PPFIA2: variants seen among roughly 807,000 people sequenced by gnomAD.
PPFIA2 encodes the protein liprin-alpha-2.
In PPFIA2, 46 loss-of-function variants were observed where a neutral mutation model predicts 175.5. The ratio of observed to expected loss-of-function variants is 0.26; its 90% CI spans 0.21 to 0.34. The LOEUF (loss-of-function observed/expected upper bound fraction) is 0.34. PPFIA2 is among the 10% of genes least tolerant of loss of function. The probability of loss-of-function intolerance (pLI) is 1.00; values close to 1 mark genes in which losing one functional copy is unlikely to be tolerated. For synonymous variants in PPFIA2, 568 were observed against 511.4 expected (o/e 1.11, Z -1.49); for missense variants, 1,179 against 1,506.1 (o/e 0.78, Z 3.60).
intron 4 of PPFIA2, among the ~76,000 whole-genome samples, chr12:81,596,214 T>G (rs1378676994): frequency 6.6e-6 from 1 of 151,742 alleles, no homozygotes; most frequent in Non-Finnish European, 1.5e-5. Context: ...ATTTAATTCT[T>G]TCTTTTGGAA....
At chr12:81,732,467 C>T (rs2153641589) in intron 3 of PPFIA2, among the ~76,000 whole-genome samples, 1 of 146,824 alleles carries the variant, frequency 6.8e-6, no homozygotes, top group East Asian at 2.0e-4. Context: ...GGAATGATTA[C>T]TTTCCTGATT....
chr12:81,330,071 A>C (rs947291431), intron 21 of PPFIA2, among the ~76,000 whole-genome samples: 2 of 152,246 alleles, frequency 1.3e-5, no homozygotes, highest in African/African-American at 4.8e-5. Context: ...ATTCATTTGG[A>C]TTGTGAAGGT....
chr12:81,548,343 GA>G (rs1323646517), intron 4 of PPFIA2, among the ~76,000 whole-genome samples: 1 of 152,088 alleles, frequency 6.6e-6, no homozygotes, highest in Non-Finnish European at 1.5e-5. Context: ...AAGAAAGCAA[GA>G]GCAAGTTTAT....
intron 4 of PPFIA2, among the ~76,000 whole-genome samples, chr12:81,462,841 G>A (rs2054893927): frequency 6.6e-6 from 1 of 151,736 alleles, no homozygotes; most frequent in Non-Finnish European, 1.5e-5. Flanking sequence ...AATGAATGTG[G>A]CAGGAGAAAT....
At chr12:81,627,721 T>C (rs1222031716) in intron 4 of PPFIA2, among the ~76,000 whole-genome samples, 1 of 152,176 alleles carries the variant, frequency 6.6e-6, no homozygotes, top group Non-Finnish European at 1.5e-5. Context: ...GACGCACATA[T>C]TAAACGTTGC....
chr12:81,419,701 T>A (rs1661883996), intron 7 of PPFIA2, among the ~76,000 whole-genome samples: 1 of 152,170 alleles, frequency 6.6e-6, no homozygotes, highest in African/African-American at 2.4e-5. Flanking sequence ...ACCTTATTTA[T>A]GTTGGATATT....
chr12:81,515,901 CTCTT>C (rs982660792), intron 4 of PPFIA2, among the ~76,000 whole-genome samples: 68 of 152,112 alleles, frequency 4.5e-4, no homozygotes, highest in African/African-American at 1.6e-3. Flanking sequence ...CTTACCAAAA[CTCTT>C]TCTTGAATTT....
chr12:81,703,803 G>A lies in PPFIA2; in HGVS notation c.250-26959C>T, dbSNP rs145568709. Among the ~76,000 whole-genome samples, 212 of 152,150 alleles carry A rather than the reference G, an allele frequency of 1.4e-3. 1 individual carries two copies. The highest frequency in any genetic ancestry group is 4.8e-3 in the African/African-American group (199 of 41,528). On this transcript the variant is annotated intron_variant, in intron 3 of 32. Transcript: ENST00000549396. ...CTAATGCCACTGTGTACCAAGCTGT[G>A]TCTTACATATGATACTCTTTCTCTC...
At chr12:81,574,530 T>C (rs543636797) in intron 4 of PPFIA2, among the ~76,000 whole-genome samples, 16 of 151,886 alleles carry the variant, frequency 1.1e-4, no homozygotes, top group African/African-American at 3.9e-4. Context: ...GTGTAAAAGA[T>C]TGCATCCTTC....
chr12:81,513,353 A>C (rs1234627848), intron 4 of PPFIA2, among the ~76,000 whole-genome samples: 1 of 152,098 alleles, frequency 6.6e-6, no homozygotes, highest in African/African-American at 2.4e-5. Flanking sequence ...AATTCCACAG[A>C]AAACTAAAAG....
At chr12:81,632,592 T>C (rs1025114225) in intron 4 of PPFIA2, among the ~76,000 whole-genome samples, 3 of 152,178 alleles carry the variant, frequency 2.0e-5, no homozygotes, top group Admixed American at 2.0e-4. Flanking sequence ...TCTTTGCTCC[T>C]TCATTCTTGC....
chr12:81,311,752 AGAAAG>A (rs1566072976), intron 22 of PPFIA2, among the ~76,000 whole-genome samples: 1 of 66,542 alleles, frequency 1.5e-5, no homozygotes. Context: ...AAAAAAAAAA[AGAAAG>A]AAAGAAAGAA....
chr12:81,465,794 T>G (rs1228161663), intron 4 of PPFIA2, among the ~76,000 whole-genome samples: 1 of 152,126 alleles, frequency 6.6e-6, no homozygotes, highest in Non-Finnish European at 1.5e-5. Context: ...TTCTCAAATT[T>G]TATATCTACA....
intron 3 of PPFIA2, among the ~76,000 whole-genome samples, chr12:81,695,527 C>T (rs1401619476): frequency 6.6e-6 from 1 of 152,114 alleles, no homozygotes; most frequent in Non-Finnish European, 1.5e-5. Context: ...AATGCCAGCA[C>T]CATGCTTCCT....
intron 4 of PPFIA2, among the ~76,000 whole-genome samples, chr12:81,567,575 A>C (rs1025695260): frequency 1.3e-5 from 2 of 152,172 alleles, no homozygotes; most frequent in African/African-American, 4.8e-5. Flanking sequence ...GATTGAGTCC[A>C]ATCACTTGGC....
rs2059302560 is a variant in PPFIA2, at chr12:81,596,860, T to A, written c.303+79931A>T. Among the ~76,000 whole-genome samples the A allele has an allele frequency of 2.0e-5, 3 of 152,128 alleles. No homozygotes were observed. The South Asian group carries it at 6.2e-4, about 32-fold the overall frequency. On this transcript the variant is annotated intron_variant, in intron 4 of 32. Transcript: ENST00000549396. ...CACAGACTTGCACTATCAGTAGACA[T>A]CAGTGTAAAACAGAAGAGGCAACAG...
At chr12:81,749,512 C>T (rs974134033) in intron 3 of PPFIA2, among the ~76,000 whole-genome samples, 1 of 143,756 alleles carries the variant, frequency 7.0e-6, no homozygotes, top group African/African-American at 2.4e-5. Flanking sequence ...TACCTCTTCT[C>T]CAAACATTCT....
chr12:81,535,451 C>T (rs1488575736), intron 4 of PPFIA2: 2 of 455,296 alleles, frequency 4.4e-6, no homozygotes, highest in East Asian at 1.4e-4. Context: ...GGTCATGATG[C>T]TCAATATCCT....
At chr12:81,460,519 C>G (rs900724537) in intron 4 of PPFIA2, among the ~76,000 whole-genome samples, 1 of 152,030 alleles carries the variant, frequency 6.6e-6, no homozygotes, top group African/African-American at 2.4e-5. Flanking sequence ...ACTAGAAGGT[C>G]CAAAGTATAG....
Sources: allele counts gnomAD v4.1 joint callset (sites outside exome capture counted in the v4.1 genomes callset), GRCh38; gene constraint gnomAD v4.1.1; transcripts MANE v1.5; gene names NCBI Gene and HGNC (gene_info 2026-07-23, HGNC 2026-07-21).